The following DNAH8 variants were observed in gnomAD, a reference collection of about 807,000 sequenced individuals.
DNAH8 encodes axonemal beta dynein heavy chain 8.
In DNAH8, 382 loss-of-function variants were observed where a neutral mutation model predicts 562.1. That is an observed-to-expected ratio of 0.68 (90% CI 0.63 to 0.74). DNAH8 has a LOEUF of 0.74. Ranked by LOEUF, DNAH8 falls within the 30% of genes least tolerant of loss-of-function variation. The pLI is 0.00. For missense variants in DNAH8, 5,203 were observed against 5,620.4 expected (o/e 0.93, Z 2.37); for synonymous variants, 1,881 against 1,919.4 (o/e 0.98, Z 0.52).
At chr6:38,922,387 A>G (rs1781778933) in intron 71 of DNAH8, among the ~76,000 whole-genome samples, 1 of 152,022 alleles carries the variant, frequency 6.6e-6, no homozygotes, top group African/African-American at 2.4e-5. Context: ...CAGATTTGGG[A>G]AAAGGTGCAT....
intron 52 of DNAH8, among the ~76,000 whole-genome samples, 159 bp downstream of exon 52, chr6:38,873,535 C>T (rs2150436657): frequency 6.6e-6 from 1 of 152,088 alleles, no homozygotes; most frequent in African/African-American, 2.4e-5. Context: ...TATTAAAGAT[C>T]TTCTTAATGA....
At chr6:38,904,903 T>G (rs1049178089) in intron 62 of DNAH8, among the ~76,000 whole-genome samples, 1 of 152,004 alleles carries the variant, frequency 6.6e-6, no homozygotes, top group Non-Finnish European at 1.5e-5. Context: ...CAAGCCACAT[T>G]GCATTAGGAA....
intron 82 of DNAH8, among the ~76,000 whole-genome samples, chr6:38,964,757 G>A (rs936163897): frequency 2.6e-5 from 4 of 152,074 alleles, no homozygotes; most frequent in African/African-American, 4.8e-5. Flanking sequence ...CTGTTGAAAC[G>A]TAGAGATATA....
At chr6:38,939,221 T>C (rs1783238215) in intron 79 of DNAH8, among the ~76,000 whole-genome samples, 1 of 152,242 alleles carries the variant, frequency 6.6e-6, no homozygotes, top group Non-Finnish European at 1.5e-5. Flanking sequence ...TAGTTATTGA[T>C]ATAACTACAT....
At chr6:38,942,219 G>A (rs768734600) in intron 79 of DNAH8, among the ~76,000 whole-genome samples, 6 of 152,182 alleles carry the variant, frequency 3.9e-5, no homozygotes, top group Admixed American at 6.5e-5. Context: ...CAAAGATACC[G>A]TGCAATACGA....
In DNAH8 at chr6:38,860,483, T is replaced by G. The variant is rs745734384; in HGVS notation, c.5985T>G (p.Thr1995=). The part of the protein sequence containing the change: ...DLVKMHIKSP[T]DFEWLKQSRF... Reference sequence around the variant, plus strand: ...TAAAAATGCATATCAAATCACCTACTGACTTTGAATGGCTAAAACAGAGTA... The same window carrying G: ...TAAAAATGCATATCAAATCACCTACGGACTTTGAATGGCTAAAACAGAGTA... Residue 1995 remains threonine (T), a synonymous_variant, in exon 43 of 93, where the codon ACT becomes ACG. Transcript: ENST00000327475. 2.7e-6 allele frequency: 4 copies of G among 1,458,338 alleles called. No homozygotes were observed. The highest frequency in any genetic ancestry group is 3.6e-6 in the Non-Finnish European group (4 of 1,102,946). The allele number at this position is 1,458,338 out of a possible 1,614,324, so 90.3% of individuals were successfully genotyped here.
Position 38,872,920 on chromosome 6 carries a change from C to T in DNAH8, c.7252C>T (p.Leu2418Phe), listed in dbSNP as rs757761049. The T allele has an allele frequency of 1.9e-6, 3 of 1,612,814 alleles. No individual in the cohort carries two copies. Among genetic ancestry groups the T allele is most frequent in the Non-Finnish European group, 2.5e-6 (3 of 1,179,714 alleles). Residue 2418 changes from leucine to phenylalanine, a missense_variant, in exon 51 of 93, where the codon CTC becomes TTC. Around this residue, in one of 6 missense-constraint regions of DNAH8, gnomAD observed 8 missense variants for 33.4 expected, o/e 0.24. Transcript: ENST00000327475. Reference protein sequence around the residue: ...LKAKKGENIFLILDGPVDAIW... With the variant: ...LKAKKGENIFFILDGPVDAIW... Reference sequence around the variant, plus strand: ...ATTATTTTCAGGTGAAAACATTTTCCTCATTTTAGATGGTCCTGTGGATGC... The same window carrying T: ...ATTATTTTCAGGTGAAAACATTTTCTTCATTTTAGATGGTCCTGTGGATGC...
chr6:38,724,899 G>A (rs1395738017), intron 3 of DNAH8, among the ~76,000 whole-genome samples: 1 of 152,048 alleles, frequency 6.6e-6, no homozygotes, highest in East Asian at 1.9e-4. Context: ...GGGTTGTGGT[G>A]AGGTTGTCAC....
At chr6:38,982,587 T>A in intron 86 of DNAH8, 125 bp downstream of exon 86, 3 of 614,920 alleles carry the variant, frequency 4.9e-6, no homozygotes, top group Non-Finnish European at 8.7e-6. Context: ...TTGAAGGGAC[T>A]TGTTGCTGTA....
At chr6:38,996,722 A>G (rs1765157514) in intron 88 of DNAH8, among the ~76,000 whole-genome samples, 1 of 152,168 alleles carries the variant, frequency 6.6e-6, no homozygotes, top group African/African-American at 2.4e-5. Context: ...ATGCAGAGCA[A>G]TGGCTGAGAA....
intron 33 of DNAH8, among the ~76,000 whole-genome samples, chr6:38,841,190 G>A (rs1215426897): frequency 1.3e-5 from 2 of 151,962 alleles, no homozygotes; most frequent in East Asian, 3.9e-4. Flanking sequence ...AGGCTGAGGC[G>A]GGCCGATCAC....
intron 11 of DNAH8, chr6:38,763,885 G>C (rs2127612079): frequency 6.5e-6 from 1 of 153,678 alleles, no homozygotes; most frequent in Middle Eastern, 3.2e-3. Flanking sequence ...ACAAAGACAA[G>C]CTGAATTAGA....
intron 75 of DNAH8, chr6:38,931,414 A>T (rs960907492): frequency 6.5e-6 from 1 of 152,766 alleles, no homozygotes; most frequent in South Asian, 2.1e-4. Context: ...AAACACATCA[A>T]ATTTCCACAG....
In DNAH8 at chr6:38,842,666, T is replaced by A; in HGVS notation, c.4608T>A (p.Cys1536Ter). The change falls in exon 35 of 93, where the codon TGT (cysteine) becomes TGA (stop). Residue 1536 changes from cysteine (C) to a stop codon, truncating the protein, a stop_gained. Coordinates refer to ENST00000327475, the MANE Select transcript of DNAH8 (RefSeq NM_001206927.2). LOFTEE classifies it high-confidence loss of function. ...TTTTTCTCTTTCTTTCTGAAAGATG[T>A]CGTAAACTTCCAAAAGGACTTAAAG... ...NAELLEFQNR[C>*]RKLPKGLKDW... 1 of 1,609,976 alleles carries A rather than the reference T, an allele frequency of 6.2e-7. No individual in the cohort carries two copies. The highest frequency in any genetic ancestry group is 1.3e-5 in the African/African-American group (1 of 74,772).
intron 26 of DNAH8, among the ~76,000 whole-genome samples, chr6:38,816,241 A>G (rs1390697956): frequency 2.6e-5 from 4 of 151,900 alleles, no homozygotes; most frequent in Non-Finnish European, 4.4e-5. Context: ...CTTCACCCCC[A>G]TCCCCCACCA....
chr6:38,815,343 C>G (rs1187762193), intron 25 of DNAH8, 125 bp from the exon 26 acceptor site: 1 of 635,216 alleles, frequency 1.6e-6, no homozygotes, highest in East Asian at 2.7e-5. Flanking sequence ...CATTCTCCCC[C>G]TCAAATCAGC....
At chr6:38,945,759 A>G (rs971782314) in intron 80 of DNAH8, among the ~76,000 whole-genome samples, 171 bp downstream of exon 80, 2 of 152,204 alleles carry the variant, frequency 1.3e-5, no homozygotes, top group African/African-American at 4.8e-5. Context: ...GATGGACCTC[A>G]GGGTTAACCT....
chr6:38,935,451 C>T lies in DNAH8; in HGVS notation c.11458-141C>T. 4.9e-6 allele frequency: 3 copies of T among 616,304 alleles called. No individual in the cohort carries two copies. The South Asian group carries it at 6.9e-5, about 14-fold the overall frequency. 38.2% of individuals were successfully genotyped at this position (616,304 alleles called of 1,614,324 possible). ...CAAAAATATGGATAGATAGATTTGG[C>T]TAATGATAGTAATTTCTTCTGCCAT... On this transcript the variant is annotated intron_variant, in intron 76 of 92. Transcript: ENST00000327475.
chr6:38,919,295 T>G lies in DNAH8; in HGVS notation c.10524+1155T>G, dbSNP rs373689059. On this transcript the variant is annotated intron_variant, in intron 70 of 92. Transcript: ENST00000327475. Reference sequence around the variant, plus strand: ...TGAGATTGTGATACATGCTATGAAATTAACAAAAATAATATTGTAATTTGA... The same window carrying G: ...TGAGATTGTGATACATGCTATGAAAGTAACAAAAATAATATTGTAATTTGA... Among the ~76,000 whole-genome samples, 435 of 152,324 alleles carry G rather than the reference T, an allele frequency of 2.9e-3. 2 individuals are homozygous for G. The highest frequency in any genetic ancestry group is 9.9e-3 in the African/African-American group (411 of 41,572).
Sources: gnomAD v4.1 joint callset for allele counts (sites outside exome capture counted in the v4.1 genomes callset) on GRCh38, gnomAD v4.1.1 for gene constraint, gnomAD v4.1.1 regional missense constraint, MANE v1.5 for transcripts, NCBI Gene and HGNC (gene_info 2026-07-23, HGNC 2026-07-21) for gene names.